Variants in CADM1 observed in about 807,000 individuals in gnomAD.
The protein encoded by CADM1 is TSLC-1.
In CADM1, 15 loss-of-function variants were observed where a neutral mutation model predicts 53.1. The observed-to-expected ratio is 0.28, with a 90% CI of 0.19 to 0.44. The LOEUF (loss-of-function observed/expected upper bound fraction) is 0.44, where lower values mean the gene tolerates loss of function less well. Ranked by LOEUF, CADM1 falls within the 20% of genes least tolerant of loss-of-function variation. The pLI, the probability that CADM1 is intolerant of heterozygous loss-of-function variation, is 1.00. For missense variants in CADM1, 434 were observed against 611.3 expected, an observed-to-expected ratio of 0.71 and a Z score of 3.06; for synonymous variants, 281 against 243.0, an observed-to-expected ratio of 1.16 and a Z score of -1.45.
chr11:115,405,134 T>G (rs1191273720), intron 1 of CADM1, among the ~76,000 whole-genome samples: 2 of 152,088 alleles, frequency 1.3e-5, no homozygotes, highest in Non-Finnish European at 2.9e-5. Context: ...ATTTTTATTT[T>G]TTTAAAGACG....
chr11:115,174,820 TA>T lies in CADM1; in HGVS notation c.*1653del, dbSNP rs1938947676. On this transcript the variant is annotated 3_prime_UTR_variant, in exon 12 of 12. Coordinates refer to ENST00000331581, the MANE Select transcript of CADM1 (RefSeq NM_001301043.2). Reference sequence around the variant, plus strand: ...GACTGTTAGCTGGAGTCTGGAGTCTTACCAAACATATGGTAAGAGTTTAGTT... The same window carrying T: ...GACTGTTAGCTGGAGTCTGGAGTCTTCCAAACATATGGTAAGAGTTTAGTT... The T allele has an allele frequency of 2.6e-5, 26 of 983,704 alleles. No homozygotes were observed. In the Admixed American group the frequency reaches 1.6e-3, roughly 61 times the overall value. 60.9% of individuals were successfully genotyped at this position (983,704 alleles called of 1,614,324 possible).
At chr11:115,250,475 A>T (rs1169444175) in intron 1 of CADM1, among the ~76,000 whole-genome samples, 1 of 152,218 alleles carries the variant, frequency 6.6e-6, no homozygotes, top group Non-Finnish European at 1.5e-5. Context: ...TAAAATCATA[A>T]GACTGTAACG....
intron 1 of CADM1, among the ~76,000 whole-genome samples, chr11:115,326,691 T>C (rs185086268): frequency 7.0e-4 from 107 of 152,334 alleles, no homozygotes; most frequent in African/African-American, 2.4e-3. Context: ...TAGTACTAAA[T>C]GTCAGTTGGT....
At chr11:115,390,408 G>A (rs543853631) in intron 1 of CADM1, among the ~76,000 whole-genome samples, 40 of 151,670 alleles carry the variant, frequency 2.6e-4, no homozygotes, top group Non-Finnish European at 4.3e-4. Context: ...GAAGGGAGGC[G>A]AGAGAGAGAA....
Position 115,217,929 on chromosome 11 carries a change from C to T in CADM1, c.784G>A (p.Ala262Thr), listed in dbSNP as rs551139124. 3.6e-5 allele frequency: 58 copies of T among 1,613,656 alleles called. 1 individual carries two copies. In the Middle Eastern group the frequency reaches 5.0e-4, roughly 14 times the overall value. ...PLQGLTREGD[A>T]LELTCEAIGK... ...ATGGCTTCACATGTTAACTCAAGCGCGTCCCCTTCCCGGGTTAAGCCTTGT... is the reference window on the plus strand; with the variant it reads ...ATGGCTTCACATGTTAACTCAAGCGTGTCCCCTTCCCGGGTTAAGCCTTGT... The change falls in exon 6 of 12, where the codon GCG (alanine) becomes ACG (threonine). Residue 262 changes from alanine to threonine, a missense_variant. By Grantham distance (58) the Ala-to-Thr change is moderately conservative (BLOSUM62 0). Around this residue, in one of 4 missense-constraint regions of CADM1, gnomAD observed 311 missense variants for 435.1 expected, o/e 0.71. Coordinates refer to ENST00000331581, the MANE Select transcript of CADM1 (RefSeq NM_001301043.2).
intron 1 of CADM1, among the ~76,000 whole-genome samples, chr11:115,466,893 G>A (rs375476944): frequency 2.6e-5 from 4 of 152,036 alleles, no homozygotes; most frequent in East Asian, 3.9e-4. Flanking sequence ...TATACACTGC[G>A]GAAAGCACCA....
At chr11:115,256,760 T>C (rs934879601) in intron 1 of CADM1, 8 of 455,232 alleles carry the variant, frequency 1.8e-5, no homozygotes, top group Non-Finnish European at 3.5e-5. Flanking sequence ...CATATGGCAA[T>C]TGCAATAGGT....
chr11:115,442,698 T>C (rs768472809), intron 1 of CADM1, among the ~76,000 whole-genome samples: 21 of 152,336 alleles, frequency 1.4e-4, no homozygotes, highest in Non-Finnish European at 2.6e-4. Context: ...AGCTAGACTA[T>C]ATATTAATAT....
At chr11:115,338,644 G>A (rs930304651) in intron 1 of CADM1, among the ~76,000 whole-genome samples, 1 of 152,008 alleles carries the variant, frequency 6.6e-6, no homozygotes, top group Non-Finnish European at 1.5e-5. Flanking sequence ...CTGTGTCTCC[G>A]CCTGCATAAC....
intron 1 of CADM1, among the ~76,000 whole-genome samples, chr11:115,320,255 GTCTC>G (rs1339902543): frequency 1.3e-5 from 2 of 152,018 alleles, no homozygotes; most frequent in African/African-American, 4.8e-5. Context: ...TAGAGACGAG[GTCTC>G]TCTATGTTGT....
intron 9 of CADM1, among the ~76,000 whole-genome samples, chr11:115,197,426 T>C (rs1940211551): frequency 1.5e-5 from 2 of 136,014 alleles, no homozygotes; most frequent in African/African-American, 5.6e-5. Context: ...GATTCAATTA[T>C]TAAAATTCAG....
rs1938778742 is a variant in CADM1 at position 115,171,179 on chromosome 11, T to C, written c.*5295A>G. The C allele has an allele frequency of 6.6e-6, 1 of 152,216 alleles. No individual in the cohort carries two copies. Among genetic ancestry groups the C allele is most frequent in the African/African-American group, 2.4e-5 (1 of 41,444 alleles). The allele number at this position is 152,216 out of a possible 1,614,324, so 9.4% of individuals were successfully genotyped here. A position where few individuals can be genotyped will look rare whatever the true frequency, so the allele number is the denominator to read the frequency against. On this transcript the variant is annotated 3_prime_UTR_variant, in exon 12 of 12. Transcript: ENST00000331581. ...ATACAAATTTCACCCTGAAGGAATG[T>C]GGCTGCCAGTTCTTCATGACAAAGG... is the stretch of plus-strand genomic sequence containing the variant.
intron 3 of CADM1, among the ~76,000 whole-genome samples, chr11:115,232,822 T>C (rs1012057491): frequency 1.3e-5 from 2 of 152,168 alleles, no homozygotes; most frequent in Admixed American, 6.5e-5. Context: ...CTGACCACCA[T>C]GAATAAGCAA....
intron 1 of CADM1, among the ~76,000 whole-genome samples, chr11:115,315,612 G>A (rs887272970): frequency 1.5e-4 from 23 of 151,470 alleles, no homozygotes; most frequent in African/African-American, 5.6e-4. Context: ...CTTTTTGACA[G>A]GTGCCTGTAT....
At position 115,287,114 on chromosome 11, in the gene CADM1, G is replaced by A. The variant is rs144240516; in HGVS notation, c.125-46694C>T. 4.8e-3 allele frequency among the ~76,000 whole-genome samples: 724 copies of A among 152,302 alleles called. 7 individuals carry two copies. Among genetic ancestry groups the A allele is most frequent in the Middle Eastern group, 0.021 (6 of 292 alleles). ...TTAGATTTAGGGCCAAGCATCCAAA[G>A]AAAAGCAGGAACACATTGCATTCTC... On this transcript the variant is annotated intron_variant, in intron 1 of 11. Transcript: ENST00000331581.
At chr11:115,419,143 C>T (rs1947690413) in intron 1 of CADM1, among the ~76,000 whole-genome samples, 2 of 152,198 alleles carry the variant, frequency 1.3e-5, no homozygotes, top group African/African-American at 4.8e-5. Flanking sequence ...AGAAAGACCA[C>T]TTAGAAGTTT....
chr11:115,352,724 A>T (rs1852780646), intron 1 of CADM1, among the ~76,000 whole-genome samples: 2 of 152,178 alleles, frequency 1.3e-5, no homozygotes, highest in Admixed American at 1.3e-4. Flanking sequence ...ATTTTTGTGT[A>T]TTTTACACTA....
At chr11:115,365,610 A>G (rs1382808953) in intron 1 of CADM1, among the ~76,000 whole-genome samples, 1 of 152,140 alleles carries the variant, frequency 6.6e-6, no homozygotes, top group African/African-American at 2.4e-5. Context: ...GAAGGTATGT[A>G]TTTATAATTT....
chr11:115,342,570 C>G (rs1945476946), intron 1 of CADM1, among the ~76,000 whole-genome samples: 1 of 152,078 alleles, frequency 6.6e-6, no homozygotes, highest in Non-Finnish European at 1.5e-5. Context: ...CCTTGCTATG[C>G]CAAGGATATG....
Sources: gnomAD v4.1 joint callset for allele counts (sites outside exome capture counted in the v4.1 genomes callset) on GRCh38, gnomAD v4.1.1 for gene constraint, gnomAD v4.1.1 regional missense constraint, MANE v1.5 for transcripts, NCBI Gene and HGNC (gene_info 2026-07-23, HGNC 2026-07-21) for gene names.